TNNT1: variants seen among roughly 807,000 people sequenced by gnomAD.
TNNT1 encodes the protein troponin T, slow skeletal muscle.
In TNNT1, 53 loss-of-function variants were observed where a neutral mutation model predicts 50.6. That is an observed-to-expected ratio of 1.05 (90% CI 0.84 to 1.32). TNNT1 has a LOEUF of 1.32. TNNT1 is among the 40% of genes most tolerant of loss of function. The pLI is 0.00. For missense variants in TNNT1, 348 were observed against 381.7 expected, an observed-to-expected ratio of 0.91 and a Z score of 0.74; for synonymous variants, 142 against 138.0, an observed-to-expected ratio of 1.03 and a Z score of -0.20.
At chr19:55,135,489 C>A in intron 11 of TNNT1, 1 of 332,386 alleles carries the variant, frequency 3.0e-6, no homozygotes, top group South Asian at 2.2e-5. Flanking sequence ...ACCGCAGTCT[C>A]AACCTCTCAG....
chr19:55,137,998 G>C lies in TNNT1; in HGVS notation c.464C>G (p.Ser155Cys). The C allele has an allele frequency of 6.2e-7, 1 of 1,614,198 alleles. No individual in the cohort carries two copies. Among genetic ancestry groups the C allele is most frequent in the Non-Finnish European group, 8.5e-7 (1 of 1,180,038 alleles). The change falls in exon 10 of 14, where the codon TCC becomes TGC. Residue 155 changes from serine to cysteine, a missense_variant. This residue lies in a region of TNNT1 where 253 missense variants were observed against 291.8 expected (regional missense o/e 0.87). Coordinates refer to ENST00000588981, the MANE Select transcript of TNNT1 (RefSeq NM_003283.6). ...EDDAKKKKVL[S>C]NMGAHFGGYL... ...GCCGCCAAAATGGGCCCCCATGTTGGACAGCACCTTCTTTTTCTTGGCATC... is the reference window on the plus strand; with the variant it reads ...GCCGCCAAAATGGGCCCCCATGTTGCACAGCACCTTCTTTTTCTTGGCATC...
Position 55,141,183 on chromosome 19 carries a change from C to T in TNNT1, c.309+3G>A. On this transcript the variant is annotated splice_donor_region_variant and intron_variant, in intron 8 of 13. Coordinates refer to ENST00000588981, the MANE Select transcript of TNNT1 (RefSeq NM_003283.6). ...CCGGGGGGAACCCGGACTCTCGGCTCACAATGCGCTCCTTCAAGGCAACCA... is the reference window on the plus strand; with the variant it reads ...CCGGGGGGAACCCGGACTCTCGGCTTACAATGCGCTCCTTCAAGGCAACCA... The T allele has an allele frequency of 1.2e-6, 2 of 1,613,444 alleles. No individual in the cohort carries two copies. Among genetic ancestry groups the T allele is most frequent in the South Asian group, 1.1e-5 (1 of 91,060 alleles).
At chr19:55,146,071 C>A (rs2085545282) in intron 5 of TNNT1, among the ~76,000 whole-genome samples, 1 of 151,122 alleles carries the variant, frequency 6.6e-6, no homozygotes, top group African/African-American at 2.4e-5. Context: ...CAAGCCCCAA[C>A]CTTTGAATGT....
intron 7 of TNNT1, among the ~76,000 whole-genome samples, chr19:55,141,614 G>T (rs561464698): frequency 6.6e-6 from 1 of 151,938 alleles, no homozygotes; most frequent in South Asian, 2.1e-4. Flanking sequence ...CTCCCGAGTA[G>T]CTGGGATTAC....
chr19:55,137,288 C>T (rs544189965), intron 10 of TNNT1, 76 bp from the exon 11 acceptor site: 14 of 1,033,648 alleles, frequency 1.4e-5, no homozygotes, highest in African/African-American at 1.1e-4. Flanking sequence ...ACCCACACGT[C>T]GGATCCCACA....
intron 10 of TNNT1, 144 bp downstream of exon 10, chr19:55,137,817 G>C (rs936206489): frequency 3.0e-5 from 30 of 1,003,268 alleles, no homozygotes; most frequent in Middle Eastern, 2.4e-4. Context: ...TCCTCCCTCA[G>C]ACCCAGGAGT....
intron 4 of TNNT1, 92 bp downstream of exon 4, chr19:55,146,589 C>G: frequency 8.1e-7 from 1 of 1,227,988 alleles, no homozygotes; most frequent in Non-Finnish European, 1.1e-6. Context: ...GAGCCGAGGC[C>G]GTCGGGAGCC....
rs2085570386 is a variant in TNNT1 at position 55,147,025 on chromosome 19, C to A, written c.33-4G>T. 1.9e-6 allele frequency: 3 copies of A among 1,611,700 alleles called. No individual in the cohort carries two copies. The highest frequency in any genetic ancestry group is 2.5e-6 in the Non-Finnish European group (3 of 1,179,190). ...CTACTCACCTTCCGGCTGCTCCCTG[C>A]GGACGGGTGTGGGGAGAGAGGAGGG... is the stretch of plus-strand genomic sequence containing the variant. On this transcript the variant is annotated splice_region_variant and splice_polypyrimidine_tract_variant and intron_variant, in intron 2 of 13. Coordinates refer to ENST00000588981, the MANE Select transcript of TNNT1 (RefSeq NM_003283.6).
At chr19:55,137,269 C>T (rs988676368) in intron 10 of TNNT1, 57 bp from the exon 11 acceptor site, 29 of 1,276,658 alleles carry the variant, frequency 2.3e-5, no homozygotes, top group African/African-American at 7.3e-5. Context: ...AGAGCACTGC[C>T]GTGTCGGGAC....
At chr19:55,135,433 C>A in intron 11 of TNNT1, 1 of 255,544 alleles carries the variant, frequency 3.9e-6, no homozygotes, top group Non-Finnish European at 7.9e-6. Context: ...TTGATAGGGT[C>A]TCACTTTGTC....
chr19:55,141,231 C>G lies in TNNT1; in HGVS notation c.264G>C (p.Gln88His). 1 of 1,614,260 alleles carries G rather than the reference C, an allele frequency of 6.2e-7. No homozygotes were observed. The highest frequency in any genetic ancestry group is 8.5e-7 in the Non-Finnish European group (1 of 1,180,042). The change falls in exon 8 of 14, where the codon CAG becomes CAC. Residue 88 changes from glutamine (Q) to histidine (H), a missense_variant. Transcript: ENST00000588981. ...CCAGCTCCTCTTCCTCCTTCTTCCG[C>G]TGCTCGAAATGTACATCGATGAGTG... ...LQTLIDVHFEQRKKEEEELVA... is the reference protein window; with the variant it reads ...LQTLIDVHFEHRKKEEEELVA...
intron 11 of TNNT1, among the ~76,000 whole-genome samples, chr19:55,134,630 C>T (rs2085309085): frequency 7.3e-6 from 1 of 136,930 alleles, no homozygotes; most frequent in African/African-American, 2.8e-5. Flanking sequence ...GATTGCACCA[C>T]TGTATTCCTG....
In TNNT1 at chr19:55,146,571, A is replaced by G; in HGVS notation, c.74-105T>C. The G allele has an allele frequency of 3.4e-6, 4 of 1,180,830 alleles. No homozygotes were observed. The South Asian group carries it at 5.0e-5, about 15-fold the overall frequency. 73.1% of individuals were successfully genotyped at this position (1,180,830 alleles called of 1,614,324 possible). A position where few individuals can be genotyped will look rare whatever the true frequency, so the allele number is the denominator to read the frequency against. ...GGGAAGAGACGTGAGAGGCTGTTAG[A>G]GGACCGGGAGCCGAGGCCGTCGGGA... On this transcript the variant is annotated intron_variant, in intron 4 of 13. Transcript: ENST00000588981.
At chr19:55,135,455 A>G in intron 11 of TNNT1, 1 of 291,560 alleles carries the variant, frequency 3.4e-6, no homozygotes, top group Non-Finnish European at 6.8e-6. Flanking sequence ...CCCAGGCTGG[A>G]GTGCAGTGAC....
intron 10 of TNNT1, 75 bp from the exon 11 acceptor site, chr19:55,137,287 T>G: frequency 9.5e-7 from 1 of 1,054,998 alleles, no homozygotes; most frequent in Non-Finnish European, 1.5e-6. Flanking sequence ...GACCCACACG[T>G]CGGATCCCAC....
In TNNT1 at chr19:55,133,917, A is replaced by G. The variant is rs762413108; in HGVS notation, c.761T>C (p.Leu254Pro). 5 of 1,613,750 alleles carry G rather than the reference A, an allele frequency of 3.1e-6. No individual in the cohort carries two copies. Among genetic ancestry groups the G allele is most frequent in the Non-Finnish European group, 4.2e-6 (5 of 1,180,024 alleles). Residue 254 changes from leucine (L) to proline (P), a missense_variant, in exon 13 of 14, where the codon CTG becomes CCG. By Grantham distance (98) the Leu-to-Pro change is moderately conservative. Transcript: ENST00000588981. Reference sequence around the variant, plus strand: ...CTGGGCGTGGCTGATGCGGTTGTACAGCACGTTGATCTGCGGAGGCAGAAG... The same window carrying G: ...CTGGGCGTGGCTGATGCGGTTGTACGGCACGTTGATCTGCGGAGGCAGAAG... ...LKQQKYEINV[L>P]YNRISHAQKF... is the part of the protein sequence containing the mutation.
chr19:55,144,179 T>A lies in TNNT1; in HGVS notation c.128+1365A>T, dbSNP rs531455802. Among the ~76,000 whole-genome samples the A allele has an allele frequency of 2.2e-4, 33 of 150,920 alleles. No individual in the cohort carries two copies. The East Asian group carries it at 5.9e-3, about 27-fold the overall frequency. ...TGCCTCCCGGTTCAAGCGATTCTCC[T>A]GCCTCAGCCTCCCAAATAGCTAGGA... is the stretch of plus-strand genomic sequence containing the variant. On this transcript the variant is annotated intron_variant, in intron 6 of 13. Coordinates refer to ENST00000588981, the MANE Select transcript of TNNT1 (RefSeq NM_003283.6).
chr19:55,145,635 C>T, intron 5 of TNNT1, 70 bp from the exon 6 acceptor site: 1 of 1,576,420 alleles, frequency 6.3e-7, no homozygotes. Flanking sequence ...GCCTGACACA[C>T]CCTGGGGAGG....
chr19:55,147,673 G>GA (rs1272465023), intron 1 of TNNT1, among the ~76,000 whole-genome samples: 1 of 101,490 alleles, frequency 9.9e-6, no homozygotes, highest in Non-Finnish European at 2.0e-5. Flanking sequence ...GAGGGAGGAG[G>GA]GGCTGGGGTC....
Sources: gnomAD v4.1 joint callset for allele counts (sites outside exome capture counted in the v4.1 genomes callset) on GRCh38, gnomAD v4.1.1 for gene constraint, gnomAD v4.1.1 regional missense constraint, MANE v1.5 for transcripts, NCBI Gene and HGNC (gene_info 2026-07-23, HGNC 2026-07-21) for gene names.